GRAMD2B: variants seen among roughly 807,000 people sequenced by gnomAD.
The protein encoded by GRAMD2B is GRAM domain containing 2B.
A neutral mutation model predicts 59.2 loss-of-function variants in GRAMD2B; 41 were observed. The ratio of observed to expected loss-of-function variants is 0.69; its 90% CI spans 0.54 to 0.90. GRAMD2B has a LOEUF of 0.90. GRAMD2B is among the 40% of genes least tolerant of loss of function. GRAMD2B has a pLI of 0.00. For synonymous variants in GRAMD2B, 161 were observed against 182.7 expected, an observed-to-expected ratio of 0.88 and a Z score of 0.96; for missense variants, 424 against 500.5, an observed-to-expected ratio of 0.85 and a Z score of 1.46.
At chr5:126,399,206 A>G (rs922876962) in intron 1 of GRAMD2B, among the ~76,000 whole-genome samples, 2 of 152,194 alleles carry the variant, frequency 1.3e-5, no homozygotes, top group African/African-American at 4.8e-5. Flanking sequence ...GAGGTATCCT[A>G]CTATTATAGT....
At chr5:126,458,523 T>C (rs1285367183) in intron 1 of GRAMD2B, among the ~76,000 whole-genome samples, 2 of 152,014 alleles carry the variant, frequency 1.3e-5, no homozygotes, top group African/African-American at 2.4e-5. Context: ...TGTACGTTCA[T>C]GGATAGGGAG....
intron 1 of GRAMD2B, among the ~76,000 whole-genome samples, chr5:126,408,431 G>C (rs1376348308): frequency 6.6e-6 from 1 of 151,648 alleles, no homozygotes; most frequent in Non-Finnish European, 1.5e-5. Context: ...GTGTCTTTTT[G>C]GTACAATGAT....
At chr5:126,463,320 A>C (rs915937565) in intron 1 of GRAMD2B, among the ~76,000 whole-genome samples, 3 of 152,198 alleles carry the variant, frequency 2.0e-5, no homozygotes, top group Non-Finnish European at 4.4e-5. Context: ...TTCTATACCC[A>C]GTCTCTACTT....
chr5:126,461,566 G>A (rs954697398), intron 1 of GRAMD2B, among the ~76,000 whole-genome samples: 5 of 152,180 alleles, frequency 3.3e-5, no homozygotes, highest in Non-Finnish European at 5.9e-5. Flanking sequence ...TTGGGAGGCC[G>A]AAGCAGGTGG....
upstream of GRAMD2B, among the ~76,000 whole-genome samples, chr5:126,422,259 G>A (rs1212617547): frequency 1.3e-5 from 2 of 150,022 alleles, no homozygotes; most frequent in Non-Finnish European, 3.0e-5. Flanking sequence ...GTGCAGTGGT[G>A]CATCTTGGCC....
intron 1 of GRAMD2B, among the ~76,000 whole-genome samples, chr5:126,447,682 A>AAAG (rs1261674975): frequency 2.0e-5 from 3 of 151,266 alleles, no homozygotes; most frequent in African/African-American, 7.3e-5. Flanking sequence ...AAAAAAAAAA[A>AAAG]AAAAGAAAGA....
chr5:126,484,481 G>A lies in GRAMD2B; in HGVS notation c.927G>A (p.Val309=). The A allele has an allele frequency of 6.2e-7, 1 of 1,614,140 alleles. No homozygotes were observed. Among genetic ancestry groups the A allele is most frequent in the Non-Finnish European group, 8.5e-7 (1 of 1,180,006 alleles). The part of the protein sequence containing the change: ...EAKPTRADAH[V]NRVPEGKAKS... ...AGCCAACTCGGGCAGATGCCCATGT[G>A]AACAGAGTACCTGAAGGAAAAGCCA... The change falls in exon 10 of 14, where the codon GTG becomes GTA. Residue 309 remains valine, a synonymous_variant. Transcript: ENST00000285689.
In GRAMD2B at chr5:126,439,891, T is replaced by C. The variant is rs563988369; in HGVS notation, c.83+16202T>C. On this transcript the variant is annotated intron_variant, in intron 1 of 13. Coordinates refer to ENST00000285689, the MANE Select transcript of GRAMD2B (RefSeq NM_023927.4). ...AGTCTCATGAGAACTGATGGTTTTA[T>C]AAAGGGTAGTTCCCCTGCACACGCT... Among the ~76,000 whole-genome samples the C allele has an allele frequency of 2.6e-5, 4 of 152,266 alleles. 1 individual carries two copies. Among genetic ancestry groups the C allele is most frequent in the South Asian group, 4.1e-4 (2 of 4,826 alleles).
chr5:126,377,230 A>T (rs988935890), intron 1 of GRAMD2B, among the ~76,000 whole-genome samples: 2 of 150,882 alleles, frequency 1.3e-5, no homozygotes, highest in Non-Finnish European at 3.0e-5. Context: ...AGCTCTGCGT[A>T]ACTTCCCTTT....
In GRAMD2B at chr5:126,477,793, T is replaced by A; in HGVS notation, c.582+6T>A. On this transcript the variant is annotated splice_donor_region_variant and intron_variant, in intron 6 of 13. Coordinates refer to ENST00000285689, the MANE Select transcript of GRAMD2B (RefSeq NM_023927.4). Reference sequence around the variant, plus strand: ...TAGCAACAGTCACAGACAGGGTGAGTATGCAGCCGAGCGAGGGCATCTTTG... The same window carrying A: ...TAGCAACAGTCACAGACAGGGTGAGAATGCAGCCGAGCGAGGGCATCTTTG... 1.3e-6 allele frequency: 2 copies of A among 1,572,782 alleles called. No individual in the cohort carries two copies. Among genetic ancestry groups the A allele is most frequent in the Non-Finnish European group, 1.8e-6 (2 of 1,142,504 alleles).
intron 1 of GRAMD2B, among the ~76,000 whole-genome samples, chr5:126,428,094 G>A (rs185742572): frequency 3.3e-5 from 5 of 151,996 alleles, no homozygotes; most frequent in Non-Finnish European, 5.9e-5. Flanking sequence ...TTAACCAGGC[G>A]TGATGGTTCA....
intron 11 of GRAMD2B, 74 bp from the exon 12 acceptor site, chr5:126,486,799 G>T: frequency 2.4e-6 from 2 of 848,666 alleles, no homozygotes; most frequent in Non-Finnish European, 4.0e-6. Context: ...GTACCACATT[G>T]GCACTGAGTT....
intron 1 of GRAMD2B, among the ~76,000 whole-genome samples, chr5:126,390,751 A>G (rs1756654892): frequency 6.6e-6 from 1 of 152,136 alleles, no homozygotes; most frequent in Admixed American, 6.5e-5. Context: ...ACAACCTAAC[A>G]TTTACTAGAT....
At chr5:126,373,837 A>AG (rs1461486606) in intron 1 of GRAMD2B, among the ~76,000 whole-genome samples, 4 of 152,194 alleles carry the variant, frequency 2.6e-5, no homozygotes, top group Non-Finnish European at 4.4e-5. Context: ...TAGGGAAGAT[A>AG]GGGAAGAAGT....
At chr5:126,420,054 CAAAAA>C (rs386404926), upstream of GRAMD2B, among the ~76,000 whole-genome samples, 5 of 103,704 alleles carry the variant, frequency 4.8e-5, no homozygotes, top group Non-Finnish European at 7.5e-5. Context: ...GACTCTTTCT[CAAAAA>C]AAAAAAAAAA....
chr5:126,437,520 G>T (rs952692109), intron 1 of GRAMD2B, among the ~76,000 whole-genome samples: 2 of 152,166 alleles, frequency 1.3e-5, no homozygotes, highest in Non-Finnish European at 2.9e-5. Flanking sequence ...AATCATGAGA[G>T]TGGGTCCAAT....
At chr5:126,473,126 G>T in intron 4 of GRAMD2B, 139 bp from the exon 5 acceptor site, 1 of 401,508 alleles carries the variant, frequency 2.5e-6, no homozygotes, top group Non-Finnish European at 4.6e-6. Context: ...TTTCCATAAA[G>T]ATGACAGAAG....
chr5:126,377,423 G>GCCA (rs1755287427), intron 1 of GRAMD2B, among the ~76,000 whole-genome samples: 1 of 152,100 alleles, frequency 6.6e-6, no homozygotes. Flanking sequence ...CCCTGGGAGG[G>GCCA]CCACTGGTAA....
chr5:126,413,987 C>T lies in GRAMD2B; in HGVS notation c.125+42420C>T, dbSNP rs77801958. Among the ~76,000 whole-genome samples, 369 of 152,220 alleles carry T rather than the reference C, an allele frequency of 2.4e-3. 2 individuals carry two copies. The highest frequency in any genetic ancestry group is 8.5e-3 in the African/African-American group (352 of 41,544). ...CAGATTAATCTGACTCTTAACCATTCCCTTATTCTACCCCCATTCAGGACT... is the reference window on the plus strand; with the variant it reads ...CAGATTAATCTGACTCTTAACCATTTCCTTATTCTACCCCCATTCAGGACT... On this transcript the variant is annotated intron_variant, in intron 1 of 8. Transcript: ENST00000506445.
Sources: allele counts gnomAD v4.1 joint callset (sites outside exome capture counted in the v4.1 genomes callset), GRCh38; gene constraint gnomAD v4.1.1; transcripts MANE v1.5; gene names NCBI Gene and HGNC (gene_info 2026-07-23, HGNC 2026-07-21).